STXBP3: variants seen among roughly 807,000 people sequenced by gnomAD.
STXBP3 encodes the protein syntaxin-binding protein 3.
STXBP3 carries 41 observed loss-of-function variants against 85.7 expected under a neutral mutation model. That is an observed-to-expected ratio of 0.48 (90% CI 0.37 to 0.62). STXBP3 has a LOEUF of 0.62. Ranked by LOEUF, STXBP3 falls within the 20% of genes least tolerant of loss-of-function variation. The pLI is 0.00. For missense variants in STXBP3, 563 were observed against 703.1 expected (o/e 0.80, Z 2.25); for synonymous variants, 229 against 231.7 (o/e 0.99, Z 0.10).
rs1662945292 is a variant in STXBP3 at position 108,790,083 on chromosome 1, GTCAGTTAAA to G, written c.964-3495_964-3487del. Among the ~76,000 whole-genome samples, 3 of 151,062 alleles carry G rather than the reference GTCAGTTAAA, an allele frequency of 2.0e-5. No homozygotes were observed. In the East Asian group the frequency reaches 5.8e-4, roughly 29 times the overall value. On this transcript the variant is annotated intron_variant, in intron 11 of 18. Coordinates refer to ENST00000370008, the MANE Select transcript of STXBP3 (RefSeq NM_007269.4). Reference sequence around the variant, plus strand: ...TGAAAGGAATATAAATTCTGTATGTGTCAGTTAAATCAAGATGGTTAATCATGTTCAAAT... The same window carrying G: ...TGAAAGGAATATAAATTCTGTATGTGTCAAGATGGTTAATCATGTTCAAAT...
intron 6 of STXBP3, chr1:108,767,332 G>A (rs576368959): frequency 2.9e-4 from 70 of 238,830 alleles, no homozygotes; most frequent in Middle Eastern, 1.5e-3. Flanking sequence ...GCTACACCAT[G>A]TTTTGTTTCC....
At chr1:108,794,793 A>G in intron 12 of STXBP3, 34 bp from the exon 13 acceptor site, 1 of 1,584,398 alleles carries the variant, frequency 6.3e-7, no homozygotes, top group East Asian at 2.3e-5. Context: ...AGTCATTAAA[A>G]TCCTTTAAAT....
At chr1:108,779,772 T>A (rs1662677348) in intron 9 of STXBP3, 1 of 154,718 alleles carries the variant, frequency 6.5e-6, no homozygotes, top group African/African-American at 2.4e-5. Context: ...TTGTTCTGAA[T>A]CATACATTCA....
intron 17 of STXBP3, 73 bp downstream of exon 17, chr1:108,800,378 T>A (rs1663208018): frequency 9.5e-6 from 11 of 1,159,816 alleles, no homozygotes; most frequent in Non-Finnish European, 1.4e-5. Flanking sequence ...ACACAGATAC[T>A]CATATTTGGC....
At chr1:108,760,152 TAAA>T (rs1309647827) in intron 6 of STXBP3, 67 bp downstream of exon 6, 3 of 846,896 alleles carry the variant, frequency 3.5e-6, no homozygotes, top group Non-Finnish European at 5.5e-6. Flanking sequence ...TTATTGTTAA[TAAA>T]GTATATTCTG....
intron 2 of STXBP3, 85 bp downstream of exon 2, chr1:108,752,391 G>C: frequency 8.0e-7 from 1 of 1,247,478 alleles, no homozygotes; most frequent in Admixed American, 2.1e-5. Flanking sequence ...TATTTACATG[G>C]TATTAGGTAT....
chr1:108,798,998 T>TTAGTG (rs1225676191), intron 16 of STXBP3, among the ~76,000 whole-genome samples: 1 of 152,230 alleles, frequency 6.6e-6, no homozygotes, highest in Non-Finnish European at 1.5e-5. Context: ...CTGTTTACAC[T>TTAGTG]TAGAGAACAT....
At chr1:108,767,530 T>C (rs6604124) in intron 6 of STXBP3, 130,812 of 170,694 alleles carry the variant, frequency 0.77, 51,620 homozygotes, top group African/African-American at 0.87. Flanking sequence ...ACACCTGTGT[T>C]GATGAGTGTG....
chr1:108,784,256 T>A (rs1662780757), intron 11 of STXBP3, among the ~76,000 whole-genome samples: 1 of 152,210 alleles, frequency 6.6e-6, no homozygotes, highest in Admixed American at 6.5e-5. Context: ...ATTCTCACAC[T>A]GCCATGAATA....
chr1:108,789,323 T>C (rs1332471219), intron 11 of STXBP3, among the ~76,000 whole-genome samples: 1 of 152,174 alleles, frequency 6.6e-6, no homozygotes, highest in Non-Finnish European at 1.5e-5. Flanking sequence ...GAGATGTTTT[T>C]GTGATTTTTT....
chr1:108,772,931 A>T, intron 7 of STXBP3, 112 bp downstream of exon 7: 2 of 1,016,076 alleles, frequency 2.0e-6, no homozygotes, highest in Non-Finnish European at 2.6e-6. Flanking sequence ...TTTTCTTTGT[A>T]TGATTACCAT....
chr1:108,763,440 T>G (rs1187488218), intron 6 of STXBP3, among the ~76,000 whole-genome samples: 1 of 152,132 alleles, frequency 6.6e-6, no homozygotes, highest in South Asian at 2.1e-4. Context: ...ATTATTAAGC[T>G]CCAAGTGAAC....
chr1:108,753,781 A>G (rs990120294), intron 3 of STXBP3, among the ~76,000 whole-genome samples: 7 of 152,168 alleles, frequency 4.6e-5, no homozygotes, highest in Admixed American at 2.0e-4. Context: ...GTTATTCTTA[A>G]TTCATCATCC....
At chr1:108,761,589 AAATATTGTGATTATGT>A (rs1168455537) in intron 6 of STXBP3, among the ~76,000 whole-genome samples, 1 of 152,148 alleles carries the variant, frequency 6.6e-6, no homozygotes, top group Non-Finnish European at 1.5e-5. Flanking sequence ...AGTCTTTACA[AAATATTGTGATTATGT>A]AAGGTCCCAT....
Position 108,809,081 on chromosome 1 carries a change from G to T in STXBP3, c.*204G>T. On this transcript the variant is annotated 3_prime_UTR_variant, in exon 19 of 19. Coordinates refer to ENST00000370008, the MANE Select transcript of STXBP3 (RefSeq NM_007269.4). ...ATATTGCTGCTGCTTTGTAGATGAT[G>T]AGAAGAAATGTTAAAGTGCTTTCTA... 2.2e-6 allele frequency: 1 copy of T among 448,164 alleles called. No homozygotes were observed. Among genetic ancestry groups the T allele is most frequent in the South Asian group, 2.9e-5 (1 of 34,060 alleles). The allele number at this position is 448,164 out of a possible 1,614,324, so 27.8% of individuals were successfully genotyped here.
chr1:108,747,692 T>G (rs1661821956), intron 1 of STXBP3, among the ~76,000 whole-genome samples: 1 of 152,346 alleles, frequency 6.6e-6, no homozygotes, highest in Non-Finnish European at 1.5e-5. Flanking sequence ...AAACAAATGA[T>G]TTAGTCAGCA....
intron 11 of STXBP3, among the ~76,000 whole-genome samples, chr1:108,790,131 T>C (rs184328946): frequency 1.3e-5 from 2 of 152,316 alleles, no homozygotes; most frequent in African/African-American, 4.8e-5. Flanking sequence ...CTATTTCTTT[T>C]CTGATTTTTT....
intron 9 of STXBP3, chr1:108,781,726 T>G (rs1662717623): frequency 6.6e-6 from 1 of 152,226 alleles, no homozygotes; most frequent in Admixed American, 6.5e-5. Context: ...TTGTTTTGTT[T>G]GAGTCAGAGT....
rs909853525 is a variant in STXBP3, at chr1:108,773,835, CTTTT to C, written c.593+1023_593+1026del. ...ACAGACAGTGGCCTCAGCCAGGAAT[CTTTT>C]TTTTTTCCTCTGCATTATATCGAGA... On this transcript the variant is annotated intron_variant, in intron 7 of 18. Transcript: ENST00000370008. 3.3e-5 allele frequency among the ~76,000 whole-genome samples: 5 copies of C among 150,092 alleles called. No homozygotes were observed. The Admixed American group carries it at 3.3e-4, about 10-fold the overall frequency.
Sources: allele counts gnomAD v4.1 joint callset (sites outside exome capture counted in the v4.1 genomes callset), GRCh38; gene constraint gnomAD v4.1.1; transcripts MANE v1.5; gene names NCBI Gene and HGNC (gene_info 2026-07-23, HGNC 2026-07-21).